POLA2: variants seen among roughly 807,000 people sequenced by gnomAD.
The protein encoded by POLA2 is DNA polymerase alpha subunit B.
POLA2 carries 47 observed loss-of-function variants against 82.8 expected under a neutral mutation model. The ratio of observed to expected loss-of-function variants is 0.57; its 90% CI spans 0.45 to 0.72. The LOEUF (loss-of-function observed/expected upper bound fraction) is 0.72, where lower values mean the gene tolerates loss of function less well. Ranked by LOEUF, POLA2 falls within the 30% of genes least tolerant of loss-of-function variation. The pLI is 0.00. For missense variants in POLA2, 634 were observed against 728.1 expected, an observed-to-expected ratio of 0.87 and a Z score of 1.49; for synonymous variants, 287 against 286.8, an observed-to-expected ratio of 1.00 and a Z score of -0.01.
chr11:65,293,494 T>C (rs1271769308), intron 13 of POLA2, among the ~76,000 whole-genome samples: 1 of 151,290 alleles, frequency 6.6e-6, no homozygotes, highest in African/African-American at 2.4e-5. Flanking sequence ...CCTGTAGTTG[T>C]AGCTACTCGG....
intron 5 of POLA2, among the ~76,000 whole-genome samples, chr11:65,277,656 A>G (rs925943444): frequency 3.3e-5 from 5 of 152,224 alleles, no homozygotes; most frequent in South Asian, 2.1e-4. Flanking sequence ...CCAAATGTCA[A>G]TACAATGCTC....
intron 8 of POLA2, among the ~76,000 whole-genome samples, chr11:65,304,017 A>G (rs1050839234): frequency 5.9e-5 from 9 of 152,160 alleles, no homozygotes; most frequent in Non-Finnish European, 5.9e-5. Flanking sequence ...TCAGATGGAG[A>G]AAACCAGAGC....
At chr11:65,305,628 G>T (rs776835397), downstream of POLA2, 10 of 353,792 alleles carry the variant, frequency 2.8e-5, no homozygotes, top group Non-Finnish European at 4.4e-5. Flanking sequence ...CAGCTATGAT[G>T]ACACCATTGT....
At chr11:65,271,547 C>T (rs984923613) in intron 4 of POLA2, among the ~76,000 whole-genome samples, 2 of 152,128 alleles carry the variant, frequency 1.3e-5, no homozygotes, top group African/African-American at 4.8e-5. Flanking sequence ...ACTTAGGAGA[C>T]TAAATTGTGA....
At chr11:65,280,882 G>A (rs1262471729) in intron 7 of POLA2, 110 bp from the exon 8 acceptor site, 4 of 1,087,458 alleles carry the variant, frequency 3.7e-6, no homozygotes, top group Non-Finnish European at 5.4e-6. Flanking sequence ...GCCCTGCCAA[G>A]AAATGTATTT....
intron 10 of POLA2, among the ~76,000 whole-genome samples, chr11:65,283,046 G>C (rs1949657909): frequency 6.6e-6 from 1 of 152,142 alleles, no homozygotes; most frequent in African/African-American, 2.4e-5. Context: ...CAGGAGGATT[G>C]CCTAAGCCCA....
At chr11:65,300,142 C>A (rs1949851721), downstream of POLA2, among the ~76,000 whole-genome samples, 1 of 152,220 alleles carries the variant, frequency 6.6e-6, no homozygotes, top group African/African-American at 2.4e-5. Flanking sequence ...AATCTAATTT[C>A]TTTTCTGTAG....
chr11:65,281,482 A>G (rs1022700147), intron 8 of POLA2, among the ~76,000 whole-genome samples, 188 bp from the exon 9 acceptor site: 1 of 152,240 alleles, frequency 6.6e-6, no homozygotes, highest in African/African-American at 2.4e-5. Flanking sequence ...TGAAAATTAG[A>G]TCACTTATAT....
At chr11:65,266,877 T>C (rs1015526797) in intron 2 of POLA2, among the ~76,000 whole-genome samples, 171 bp downstream of exon 2, 1 of 152,152 alleles carries the variant, frequency 6.6e-6, no homozygotes, top group Non-Finnish European at 1.5e-5. Flanking sequence ...TTTTCTGACA[T>C]TGGGTCTAAT....
intron 5 of POLA2, among the ~76,000 whole-genome samples, chr11:65,277,545 T>C (rs1222899647): frequency 6.6e-6 from 1 of 152,234 alleles, no homozygotes; most frequent in African/African-American, 2.4e-5. Flanking sequence ...GTTCTCAGGC[T>C]TTTTGGAAGA....
chr11:65,278,907 C>G lies in POLA2; in HGVS notation c.639C>G (p.Leu213=). Residue 213 remains leucine (L), a synonymous_variant, in exon 6 of 18, where the codon CTC becomes CTG. Coordinates refer to ENST00000265465, the MANE Select transcript of POLA2 (RefSeq NM_002689.4). The stretch of plus-strand genomic sequence containing the variant: ...GCTACAAATCCATGTTTCAGAAGCT[C>G]CCAGACATTCGAGAAGGTGATTGTT... The part of the protein sequence containing the change: ...TGSYKSMFQK[L]PDIREVLTCK... 6.8e-6 allele frequency: 11 copies of G among 1,613,312 alleles called. No individual in the cohort carries two copies. Among genetic ancestry groups the G allele is most frequent in the Non-Finnish European group, 9.3e-6 (11 of 1,179,934 alleles).
intron 4 of POLA2, among the ~76,000 whole-genome samples, chr11:65,274,089 G>C (rs1308605200): frequency 6.6e-6 from 1 of 151,998 alleles, no homozygotes; most frequent in Non-Finnish European, 1.5e-5. Flanking sequence ...AAAGGATAAA[G>C]ACCTGTAATC....
rs1368462402 is a variant in POLA2, at chr11:65,267,508, A to G, written c.236A>G (p.His79Arg). The G allele has an allele frequency of 1.2e-6, 2 of 1,612,292 alleles. No individual in the cohort carries two copies. The highest frequency in any genetic ancestry group is 1.7e-6 in the Non-Finnish European group (2 of 1,179,260). The change falls in exon 3 of 18, where the codon CAT becomes CGT. Residue 79 changes from histidine to arginine, a missense_variant. Physicochemically the swap from His to Arg is conservative, Grantham distance 29 (BLOSUM62 0). Coordinates refer to ENST00000265465, the MANE Select transcript of POLA2 (RefSeq NM_002689.4). ...AGCAAAAGATTATCGAAAGCCAGGC[A>G]TAGTACCTGCAAGGACAGTGGCCAT... Reference protein sequence around the residue: ...FLSKRLSKARHSTCKDSGHAG... With the variant: ...FLSKRLSKARRSTCKDSGHAG...
At chr11:65,262,826 G>T (rs1294862128) in intron 1 of POLA2, among the ~76,000 whole-genome samples, 3 of 152,168 alleles carry the variant, frequency 2.0e-5, no homozygotes, top group African/African-American at 7.2e-5. Context: ...GCTGTTGGTG[G>T]TCTGTGCAAA....
intron 10 of POLA2, among the ~76,000 whole-genome samples, chr11:65,285,380 C>T (rs1048273768): frequency 2.0e-5 from 3 of 151,102 alleles, no homozygotes; most frequent in Non-Finnish European, 3.0e-5. Context: ...TCCAGCCTGG[C>T]GACAGAGCTA....
At chr11:65,295,469 C>G in intron 15 of POLA2, 71 bp from the exon 16 acceptor site, 1 of 1,294,846 alleles carries the variant, frequency 7.7e-7, no homozygotes, top group Non-Finnish European at 1.1e-6. Flanking sequence ...TTATTAAATT[C>G]TCCAGTCCTC....
intron 13 of POLA2, 25 bp from the exon 14 acceptor site, chr11:65,294,128 T>A: frequency 6.3e-7 from 1 of 1,587,894 alleles, no homozygotes; most frequent in Non-Finnish European, 8.6e-7. Flanking sequence ...TTCTCACTCT[T>A]CTGTTTGTTC....
At position 65,289,090 on chromosome 11, in the gene POLA2, T is replaced by C; in HGVS notation, c.1170+2T>C. On this transcript the variant is annotated splice_donor_variant, in intron 12 of 17. Transcript: ENST00000265465. LOFTEE classifies it high-confidence loss of function. ...GATGCTAAGCATGAACAGGTGGAGG[T>C]GAGTGGGCTGGGGTGGGAAGGGGTC... The C allele has an allele frequency of 6.2e-7, 1 of 1,611,856 alleles. No individual in the cohort carries two copies.
chr11:65,273,177 C>T (rs1010249391), intron 4 of POLA2, among the ~76,000 whole-genome samples: 5 of 150,156 alleles, frequency 3.3e-5, no homozygotes, highest in Admixed American at 6.6e-5. Flanking sequence ...AAAATTATCC[C>T]GGCATGGTGG....
Sources: allele counts gnomAD v4.1 joint callset (sites outside exome capture counted in the v4.1 genomes callset), GRCh38; gene constraint gnomAD v4.1.1; transcripts MANE v1.5; gene names NCBI Gene and HGNC (gene_info 2026-07-23, HGNC 2026-07-21).